The following MRPL2 variants were observed in gnomAD, a reference collection of about 807,000 sequenced individuals.
MRPL2 encodes large ribosomal subunit protein uL2m.
In MRPL2, 27 loss-of-function variants were observed where a neutral mutation model predicts 34.6. The observed-to-expected ratio is 0.78, with a 90% CI of 0.58 to 1.08. The LOEUF is 1.08. MRPL2 is among the 50% of genes least tolerant of loss of function. The probability of loss-of-function intolerance (pLI) is 0.00; values close to 1 mark genes in which losing one functional copy is unlikely to be tolerated. For missense variants in MRPL2, 414 were observed against 419.3 expected (o/e 0.99, Z 0.11); for synonymous variants, 155 against 158.0 (o/e 0.98, Z 0.14).
At chr6:43,059,085 T>G in intron 1 of MRPL2, 1 of 1,496,556 alleles carries the variant, frequency 6.7e-7, no homozygotes, top group South Asian at 1.3e-5. Context: ...CACTTTCACC[T>G]TAAGTATCTC....
At chr6:43,055,824 G>A in intron 5 of MRPL2, 73 bp downstream of exon 5, 1 of 1,435,380 alleles carries the variant, frequency 7.0e-7, no homozygotes, top group Non-Finnish European at 9.5e-7. Flanking sequence ...GCCAGTACCA[G>A]ATGTGGAACC....
In MRPL2 at chr6:43,054,222, C is replaced by A; in HGVS notation, c.*52G>T. 1.6e-6 allele frequency: 2 copies of A among 1,246,302 alleles called. No individual in the cohort carries two copies. The highest frequency in any genetic ancestry group is 2.2e-6 in the Non-Finnish European group (2 of 899,062). The allele number at this position is 1,246,302 out of a possible 1,614,324, so 77.2% of individuals were successfully genotyped here. ...ACAAAAAACACCCAAAACAAAACCA[C>A]AGTAACAGATTAAAACGGGGGGGGG... is the stretch of plus-strand genomic sequence containing the variant. On this transcript the variant is annotated 3_prime_UTR_variant, in exon 7 of 7. Transcript: ENST00000388752.
intron 2 of MRPL2, among the ~76,000 whole-genome samples, 185 bp from the exon 3 acceptor site, chr6:43,056,630 A>G (rs1764887821): frequency 6.6e-6 from 1 of 152,228 alleles, no homozygotes; most frequent in Non-Finnish European, 1.5e-5. Flanking sequence ...TGGTGAAAAA[A>G]ACATTATATG....
chr6:43,059,607 C>G, upstream of MRPL2: 1 of 1,001,950 alleles, frequency 1.0e-6, no homozygotes. Flanking sequence ...CCCGTCAAAA[C>G]AATTGCCTCG....
chr6:43,058,900 T>G, intron 1 of MRPL2: 2 of 505,136 alleles, frequency 4.0e-6, no homozygotes, highest in Non-Finnish European at 7.0e-6. Context: ...GCTCTGATAG[T>G]TGGTGTGTGA....
chr6:43,059,406 C>T lies in MRPL2; in HGVS notation c.-25G>A, dbSNP rs897492168. 1 of 1,524,262 alleles carries T rather than the reference C, an allele frequency of 6.6e-7. No individual in the cohort carries two copies. The highest frequency in any genetic ancestry group is 8.8e-7 in the Non-Finnish European group (1 of 1,129,978). The allele number at this position is 1,524,262 out of a possible 1,614,324, so 94.4% of individuals were successfully genotyped here. A position where few individuals can be genotyped will look rare whatever the true frequency, so the allele number is the denominator to read the frequency against. On this transcript the variant is annotated 5_prime_UTR_variant, in exon 1 of 7. Transcript: ENST00000388752. ...TCAGCACGACACCCTTACTTTTAGC[C>T]AAGCTGCTCGGTGCTCCTAGATGAC...
intron 2 of MRPL2, among the ~76,000 whole-genome samples, chr6:43,057,399 G>A (rs939306708): frequency 4.6e-5 from 7 of 152,030 alleles, no homozygotes; most frequent in Non-Finnish European, 1.0e-4. Context: ...GTGCAGCAGC[G>A]CGATCTCGGC....
At chr6:43,056,488 A>C (rs1415128559) in intron 2 of MRPL2, 43 bp from the exon 3 acceptor site, 1 of 1,612,154 alleles carries the variant, frequency 6.2e-7, no homozygotes, top group Admixed American at 1.7e-5. Flanking sequence ...AGGTCAGAGT[A>C]GTTTAGTTTC....
upstream of MRPL2, chr6:43,059,475 G>A: frequency 1.4e-6 from 2 of 1,454,952 alleles, no homozygotes; most frequent in East Asian, 2.5e-5. Context: ...GTAAAAGGAG[G>A]CGGGCAGAAA....
chr6:43,056,403 C>A lies in MRPL2; in HGVS notation c.308G>T (p.Arg103Leu). 1 of 1,614,152 alleles carries A rather than the reference C, an allele frequency of 6.2e-7. No individual in the cohort carries two copies. The highest frequency in any genetic ancestry group is 8.5e-7 in the Non-Finnish European group (1 of 1,180,046). Residue 103 changes from arginine to leucine, a missense_variant, in exon 3 of 7, where the codon CGT becomes CTT. Coordinates refer to ENST00000388752, the MANE Select transcript of MRPL2 (RefSeq NM_015950.5). ...VHGIGGGHKQRYRMIDFLRFR... is the reference protein window; with the variant it reads ...VHGIGGGHKQLYRMIDFLRFR... The stretch of plus-strand genomic sequence containing the variant: ...ACGCAGAAAGTCAATCATTCGATAA[C>A]GTTGCTTGTGGCCCCCGCCAATACC...
intron 5 of MRPL2, 110 bp downstream of exon 5, chr6:43,055,787 A>C: frequency 1.6e-6 from 2 of 1,261,874 alleles, no homozygotes; most frequent in South Asian, 2.9e-5. Context: ...CTTCATCCTC[A>C]TGTTTGTTTT....
chr6:43,055,845 ACT>A, intron 5 of MRPL2, 50 bp downstream of exon 5: 1 of 1,527,692 alleles, frequency 6.5e-7, no homozygotes, highest in Non-Finnish European at 8.9e-7. Context: ...ATGGGTTCAG[ACT>A]CTCCTTGCCT....
At chr6:43,054,538 A>G (rs1764762477) in intron 6 of MRPL2, 52 bp from the exon 7 acceptor site, 6 of 1,540,798 alleles carry the variant, frequency 3.9e-6, no homozygotes, top group Non-Finnish European at 5.4e-6. Flanking sequence ...AAAGAGCTTG[A>G]CAATGTTGAG....
chr6:43,054,238 C>T lies in MRPL2; in HGVS notation c.*36G>A. ...ACAAAACCACAGTAACAGATTAAAA[C>T]GGGGGGGGGGGGCATTTTATTAGAG... On this transcript the variant is annotated 3_prime_UTR_variant, in exon 7 of 7. Coordinates refer to ENST00000388752, the MANE Select transcript of MRPL2 (RefSeq NM_015950.5). 1 of 982,242 alleles carries T rather than the reference C, an allele frequency of 1.0e-6. No homozygotes were observed. Among genetic ancestry groups the T allele is most frequent in the African/African-American group, 2.2e-5 (1 of 45,728 alleles). The allele number at this position is 982,242 out of a possible 1,614,324, so 60.8% of individuals were successfully genotyped here.
chr6:43,054,250 G>C lies in MRPL2; in HGVS notation c.*24C>G. On this transcript the variant is annotated 3_prime_UTR_variant, in exon 7 of 7. Coordinates refer to ENST00000388752, the MANE Select transcript of MRPL2 (RefSeq NM_015950.5). ...TAACAGATTAAAACGGGGGGGGGGGGCATTTTATTAGAGTACAGGGATATC... is the reference window on the plus strand; with the variant it reads ...TAACAGATTAAAACGGGGGGGGGGGCCATTTTATTAGAGTACAGGGATATC... 1 of 1,270,486 alleles carries C rather than the reference G, an allele frequency of 7.9e-7. No individual in the cohort carries two copies. 78.7% of individuals were successfully genotyped at this position (1,270,486 alleles called of 1,614,324 possible).
intron 1 of MRPL2, 78 bp downstream of exon 1, chr6:43,059,208 T>C (rs1351901860): frequency 1.3e-6 from 2 of 1,550,764 alleles, no homozygotes; most frequent in Admixed American, 3.9e-5. Context: ...GACTCGCAAC[T>C]CCCGCCTCGC....
At chr6:43,055,459 A>G in intron 6 of MRPL2, 86 bp downstream of exon 6, 1 of 1,337,988 alleles carries the variant, frequency 7.5e-7, no homozygotes, top group Middle Eastern at 1.8e-4. Context: ...TTGCATCATA[A>G]AACACCTGGG....
intron 6 of MRPL2, among the ~76,000 whole-genome samples, chr6:43,055,010 G>C (rs1764791689): frequency 1.3e-5 from 2 of 152,052 alleles, no homozygotes; most frequent in East Asian, 1.9e-4. Context: ...AGGAGTTTGA[G>C]GCTGCAGTGA....
chr6:43,059,198 G>A, intron 1 of MRPL2, 88 bp downstream of exon 1: 1 of 1,550,792 alleles, frequency 6.4e-7, no homozygotes, highest in Non-Finnish European at 8.7e-7. Context: ...CTCCTGACCA[G>A]ACTCGCAACT....
Sources: gnomAD v4.1 joint callset for allele counts (sites outside exome capture counted in the v4.1 genomes callset) on GRCh38, gnomAD v4.1.1 for gene constraint, MANE v1.5 for transcripts, NCBI Gene and HGNC (gene_info 2026-07-23, HGNC 2026-07-21) for gene names.